DIAPH1: variants seen among roughly 807,000 people sequenced by gnomAD.
DIAPH1 encodes protein diaphanous homolog 1.
DIAPH1 carries 46 observed loss-of-function variants against 140.7 expected under a neutral mutation model. The ratio of observed to expected loss-of-function variants is 0.33; its 90% CI spans 0.26 to 0.42. DIAPH1 has a LOEUF of 0.42. DIAPH1 is among the 10% of genes least tolerant of loss of function. The pLI, the probability that DIAPH1 is intolerant of heterozygous loss-of-function variation, is 1.00. For missense variants in DIAPH1, 1,310 were observed against 1,558.7 expected, an observed-to-expected ratio of 0.84 and a Z score of 2.69; for synonymous variants, 565 against 551.6, an observed-to-expected ratio of 1.02 and a Z score of -0.34.
At chr5:141,526,623 G>C (rs570857853) in intron 24 of DIAPH1, among the ~76,000 whole-genome samples, 162 bp from the exon 25 acceptor site, 2 of 152,294 alleles carry the variant, frequency 1.3e-5, no homozygotes, top group South Asian at 2.1e-4. Flanking sequence ...CCCTAAATAG[G>C]GGAATAGTAA....
chr5:141,604,196 A>C (rs574830271), intron 1 of DIAPH1, among the ~76,000 whole-genome samples: 131 of 152,374 alleles, frequency 8.6e-4, no homozygotes, highest in African/African-American at 3.1e-3. Flanking sequence ...CAGCATGCAT[A>C]GTCTGTCATT....
chr5:141,529,736 T>C, intron 19 of DIAPH1, 39 bp from the exon 20 acceptor site: 1 of 1,572,232 alleles, frequency 6.4e-7, no homozygotes. Context: ...TTCTTCTCGG[T>C]CTGTTCCCGC....
At chr5:141,575,756 T>A (rs1177946014) in intron 14 of DIAPH1, among the ~76,000 whole-genome samples, 2 of 152,092 alleles carry the variant, frequency 1.3e-5, no homozygotes, top group Non-Finnish European at 1.5e-5. Context: ...AAAAATAAGA[T>A]TTTAAAGGTA....
intron 1 of DIAPH1, among the ~76,000 whole-genome samples, chr5:141,591,695 GAT>G (rs56117502): frequency 0.021 from 1,800 of 86,214 alleles, 107 homozygotes; most frequent in African/African-American, 0.035. Context: ...GGGAGATGGG[GAT>G]ATATATATAT....
Position 141,574,046 on chromosome 5 carries a change from G to A in DIAPH1, c.1804C>T (p.Pro602Ser), listed in dbSNP as rs1337551594. ...SGTIIPPPPA[P>S]GDSTTPPPPP... ...GGAGGAGGAGTGGTACTATCCCCAG[G>A]AGCAGGTGGTGGTGGAATAATAGTG... Residue 602 changes from proline to serine, a missense_variant, in exon 16 of 28, where the codon CCT (proline) becomes TCT (serine). Pro to Ser is a moderately conservative substitution (Grantham distance 74). Around this residue, in one of 3 missense-constraint regions of DIAPH1, gnomAD observed 589 missense variants for 549.3 expected, o/e 1.07. Transcript: ENST00000389054. The A allele has an allele frequency of 6.3e-7, 1 of 1,593,584 alleles. No individual in the cohort carries two copies. Among genetic ancestry groups the A allele is most frequent in the East Asian group, 2.3e-5 (1 of 44,432 alleles).
chr5:141,542,580 A>G (rs560454457), intron 18 of DIAPH1, among the ~76,000 whole-genome samples: 129 of 152,356 alleles, frequency 8.5e-4, no homozygotes, highest in African/African-American at 3.1e-3. Flanking sequence ...ACATCATGCT[A>G]AAGTGAAAGA....
intron 18 of DIAPH1, among the ~76,000 whole-genome samples, chr5:141,553,811 TAGC>T (rs1354509900): frequency 3.3e-5 from 5 of 152,192 alleles, no homozygotes. Flanking sequence ...GTGAAATCTG[TAGC>T]AGAGGGGATT....
chr5:141,553,593 A>G (rs1362769708), intron 18 of DIAPH1, among the ~76,000 whole-genome samples: 1 of 152,052 alleles, frequency 6.6e-6, no homozygotes, highest in African/African-American at 2.4e-5. Context: ...CGGTGAGCCA[A>G]GATCACACCA....
intron 14 of DIAPH1, among the ~76,000 whole-genome samples, chr5:141,575,822 T>A (rs1340187228): frequency 2.0e-5 from 3 of 152,274 alleles, no homozygotes; most frequent in South Asian, 2.1e-4. Flanking sequence ...ATCAAAAACC[T>A]ATTAACCACA....
At chr5:141,578,479 C>A (rs1317102555) in intron 10 of DIAPH1, 36 bp downstream of exon 10, 1 of 1,571,312 alleles carries the variant, frequency 6.4e-7, no homozygotes, top group South Asian at 1.1e-5. Context: ...CAAGAAGGAA[C>A]CAGTCTAGCC....
At position 141,574,167 on chromosome 5, in the gene DIAPH1, T is replaced by C. The variant is rs980196269; in HGVS notation, c.1683A>G (p.Glu561=). ...TAGCTGCCGCAGAGAGGGAAGCCAT[T>C]TCTTTCTTGGCATCTTCCAGTTCCT... The part of the protein sequence containing the change: ...LTKELEDAKK[E]MASLSAAAIT... The change falls in exon 16 of 28, where the codon GAA becomes GAG. Residue 561 remains glutamate (E), a synonymous_variant. Coordinates refer to ENST00000389054, the MANE Select transcript of DIAPH1 (RefSeq NM_005219.5). 2.5e-6 allele frequency: 4 copies of C among 1,613,968 alleles called. No individual in the cohort carries two copies. The African/African-American group carries it at 5.3e-5, about 22-fold the overall frequency.
At chr5:141,544,573 AC>A (rs1408191034) in intron 18 of DIAPH1, among the ~76,000 whole-genome samples, 1 of 152,240 alleles carries the variant, frequency 6.6e-6, no homozygotes, top group Non-Finnish European at 1.5e-5. Context: ...AAGTCACTTT[AC>A]CAAAGAAGAT....
At chr5:141,551,709 C>T (rs2099891711) in intron 18 of DIAPH1, among the ~76,000 whole-genome samples, 1 of 152,260 alleles carries the variant, frequency 6.6e-6, no homozygotes, top group African/African-American at 2.4e-5. Flanking sequence ...ACAATGCCTA[C>T]TCCATAAAGT....
intron 2 of DIAPH1, 75 bp downstream of exon 2, chr5:141,588,149 A>C: frequency 8.0e-7 from 1 of 1,247,764 alleles, no homozygotes; most frequent in Non-Finnish European, 1.2e-6. Flanking sequence ...AGAAAGTCAA[A>C]GTTATGAAAA....
At chr5:141,601,082 TG>T (rs1239852108) in intron 1 of DIAPH1, among the ~76,000 whole-genome samples, 1 of 151,562 alleles carries the variant, frequency 6.6e-6, no homozygotes, top group Non-Finnish European at 1.5e-5. Context: ...TGTTGTGGGA[TG>T]GGGGGAGAGG....
chr5:141,520,987 G>A (rs1342204076), intron 27 of DIAPH1, among the ~76,000 whole-genome samples: 4 of 152,198 alleles, frequency 2.6e-5, no homozygotes, highest in Admixed American at 6.5e-5. Context: ...TGCAAGCTCC[G>A]CCTCCTGGGT....
At chr5:141,596,735 A>G (rs2099899382) in intron 1 of DIAPH1, among the ~76,000 whole-genome samples, 1 of 152,258 alleles carries the variant, frequency 6.6e-6, no homozygotes. Context: ...CAAAGCAACC[A>G]GCTTTCAAAT....
At chr5:141,536,947 G>A (rs865776557) in intron 18 of DIAPH1, among the ~76,000 whole-genome samples, 2 of 151,866 alleles carry the variant, frequency 1.3e-5, no homozygotes, top group Non-Finnish European at 2.9e-5. Context: ...AGGTGGGAGG[G>A]TCACTTGAGT....
At chr5:141,545,457 C>T (rs2099890649) in intron 18 of DIAPH1, among the ~76,000 whole-genome samples, 1 of 152,064 alleles carries the variant, frequency 6.6e-6, no homozygotes, top group Non-Finnish European at 1.5e-5. Flanking sequence ...TCGAGACCAG[C>T]CTAGGCGACA....
Sources: allele counts gnomAD v4.1 joint callset (sites outside exome capture counted in the v4.1 genomes callset), GRCh38; gene constraint gnomAD v4.1.1; regional missense constraint gnomAD v4.1.1; transcripts MANE v1.5; gene names NCBI Gene and HGNC (gene_info 2026-07-23, HGNC 2026-07-21).